The following TSPEAR variants were observed in gnomAD, a reference collection of about 807,000 sequenced individuals.
TSPEAR encodes thrombospondin type laminin G domain and EAR repeats.
TSPEAR carries 69 observed loss-of-function variants against 71.6 expected under a neutral mutation model. That is an observed-to-expected ratio of 0.96 (90% CI 0.79 to 1.18). TSPEAR has a LOEUF of 1.18. Among genes scored for constraint, TSPEAR ranks in the 50% most tolerant of loss-of-function variants. The probability of loss-of-function intolerance (pLI) is 0.00; values close to 1 mark genes in which losing one functional copy is unlikely to be tolerated. For synonymous variants in TSPEAR, 402 were observed against 387.2 expected (o/e 1.04, Z -0.45); for missense variants, 971 against 894.9 (o/e 1.09, Z -1.09).
rs1396440624 is a variant in TSPEAR at position 44,711,346 on chromosome 21, G to A, written c.82+87C>T. On this transcript the variant is annotated intron_variant, in intron 1 of 11. Coordinates refer to ENST00000323084, the MANE Select transcript of TSPEAR (RefSeq NM_144991.3). The surrounding 1 kb of genome is among the most constrained non-coding windows in gnomAD (Gnocchi z 4.5). ...TCCTCGGGCACCGCGGCTTGAATCA[G>A]TGTTAGAAAGTGGCATTTGTGACTC... 4 of 1,263,918 alleles carry A rather than the reference G, an allele frequency of 3.2e-6. No individual in the cohort carries two copies. Among genetic ancestry groups the A allele is most frequent in the Non-Finnish European group, 4.5e-6 (4 of 898,570 alleles). 78.3% of individuals were successfully genotyped at this position (1,263,918 alleles called of 1,614,324 possible).
chr21:44,676,194 A>G, intron 1 of TSPEAR: 1 of 1,279,530 alleles, frequency 7.8e-7, no homozygotes, highest in South Asian at 1.2e-5. Flanking sequence ...TTCTGGTTTA[A>G]TCAATCATTG....
intron 9 of TSPEAR, among the ~76,000 whole-genome samples, chr21:44,512,371 G>A (rs985918829): frequency 1.3e-5 from 2 of 151,408 alleles, no homozygotes; most frequent in African/African-American, 4.9e-5. Flanking sequence ...CTCCTAAGAT[G>A]GGAAAGAAGG....
At chr21:44,685,950 T>G (rs1986836879) in intron 1 of TSPEAR, among the ~76,000 whole-genome samples, 1 of 152,234 alleles carries the variant, frequency 6.6e-6, no homozygotes, top group African/African-American at 2.4e-5. Flanking sequence ...TAGACCTCTG[T>G]GCATTACTGT....
chr21:44,711,257 C>G lies in TSPEAR; in HGVS notation c.82+176G>C, dbSNP rs1320307638. 3.9e-5 allele frequency among the ~76,000 whole-genome samples: 6 copies of G among 152,094 alleles called. No individual in the cohort carries two copies. The highest frequency in any genetic ancestry group is 1.4e-4 in the African/African-American group (6 of 41,430). On this transcript the variant is annotated intron_variant, in intron 1 of 11. Transcript: ENST00000323084. This position sits in a 1 kb window ranked among gnomAD's most constrained non-coding sequence, Gnocchi z 4.5. ...GCCTGCCCTGCGCTTTCATCTTCCC[C>G]ACCTGTGCTCCTCCCGCCTCTGCCC...
chr21:44,660,501 G>A (rs1241889496), intron 1 of TSPEAR, among the ~76,000 whole-genome samples: 6 of 152,124 alleles, frequency 3.9e-5, no homozygotes, highest in African/African-American at 9.7e-5. Flanking sequence ...AAAATCCGTC[G>A]ACCCTATGAC....
At position 44,499,637 on chromosome 21, in the gene TSPEAR, C is replaced by T. The variant is rs1005511291; in HGVS notation, c.*146G>A. The T allele has an allele frequency of 9.3e-5, 73 of 781,654 alleles. No individual in the cohort carries two copies. The highest frequency in any genetic ancestry group is 5.5e-5 in the African/African-American group (3 of 54,180). 48.4% of individuals were successfully genotyped at this position (781,654 alleles called of 1,614,324 possible). A position where few individuals can be genotyped will look rare whatever the true frequency, so the allele number is the denominator to read the frequency against. On this transcript the variant is annotated 3_prime_UTR_variant, in exon 12 of 12. Coordinates refer to ENST00000323084, the MANE Select transcript of TSPEAR (RefSeq NM_144991.3). ...TGGATGTCCCTGCCCGAACCAGGGCCGCAGATGGCCCCACCTGCACCCTGC... is the reference window on the plus strand; with the variant it reads ...TGGATGTCCCTGCCCGAACCAGGGCTGCAGATGGCCCCACCTGCACCCTGC...
At chr21:44,615,251 G>A (rs1387568448) in intron 1 of TSPEAR, among the ~76,000 whole-genome samples, 1 of 152,244 alleles carries the variant, frequency 6.6e-6, no homozygotes, top group Non-Finnish European at 1.5e-5. Flanking sequence ...AGCCAGCGCC[G>A]CACCACGGGG....
chr21:44,515,327 C>T (rs1407661348), intron 9 of TSPEAR, among the ~76,000 whole-genome samples: 6 of 152,336 alleles, frequency 3.9e-5, no homozygotes, highest in Non-Finnish European at 8.8e-5. Flanking sequence ...GTCCCAGCGC[C>T]TTCCCAGGGC....
intron 1 of TSPEAR, among the ~76,000 whole-genome samples, chr21:44,648,513 T>C (rs1312536468): frequency 6.6e-6 from 1 of 152,076 alleles, no homozygotes; most frequent in Admixed American, 6.5e-5. Context: ...TCCCCATAAA[T>C]AAGTGGACAA....
At chr21:44,591,433 C>T (rs371882347) in intron 1 of TSPEAR, 64 of 1,613,290 alleles carry the variant, frequency 4.0e-5, no homozygotes, top group African/African-American at 2.3e-4. Flanking sequence ...GCAGGCAGGG[C>T]GGGAGCACAT....
intron 9 of TSPEAR, 60 bp downstream of exon 9, chr21:44,521,823 T>G: frequency 6.8e-7 from 1 of 1,468,088 alleles, no homozygotes; most frequent in East Asian, 2.3e-5. Context: ...GTCCAGCAGG[T>G]GCAGGTGACA....
chr21:44,698,371 C>T (rs1288106693), intron 1 of TSPEAR, among the ~76,000 whole-genome samples: 16 of 152,200 alleles, frequency 1.1e-4, no homozygotes, highest in African/African-American at 3.1e-4. Context: ...GGGGCCCTCG[C>T]GCCCAGTCTC....
intron 1 of TSPEAR, among the ~76,000 whole-genome samples, chr21:44,679,197 G>T (rs1239579115): frequency 6.6e-6 from 1 of 152,150 alleles, no homozygotes; most frequent in Non-Finnish European, 1.5e-5. Context: ...TTCTTTCTGA[G>T]AAACTGGATT....
chr21:44,598,194 C>T (rs409893), intron 1 of TSPEAR, among the ~76,000 whole-genome samples: 20,125 of 152,182 alleles, frequency 0.13, 2,180 homozygotes, highest in African/African-American at 0.29. Context: ...GACTGGCTCT[C>T]TAGTTTCCCG....
chr21:44,600,995 G>C (rs1555928524), intron 1 of TSPEAR: 3 of 1,610,052 alleles, frequency 1.9e-6, no homozygotes, highest in Non-Finnish European at 2.5e-6. Context: ...CCTGTGTACT[G>C]TGTGCCTGTC....
chr21:44,526,813 A>G (rs1480598320), intron 7 of TSPEAR, among the ~76,000 whole-genome samples: 2 of 152,230 alleles, frequency 1.3e-5, no homozygotes, highest in African/African-American at 4.8e-5. Context: ...CCCTCTGCCC[A>G]GAGCAGCCCT....
chr21:44,646,347 G>A (rs1286579695), intron 1 of TSPEAR: 1 of 1,450,982 alleles, frequency 6.9e-7, no homozygotes, highest in Non-Finnish European at 9.3e-7. Flanking sequence ...GACAACACAT[G>A]CCAGGGAGGG....
chr21:44,634,354 C>A (rs1443338554), intron 1 of TSPEAR, among the ~76,000 whole-genome samples: 1 of 152,100 alleles, frequency 6.6e-6, no homozygotes, highest in Non-Finnish European at 1.5e-5. Context: ...CAAAGCCCTA[C>A]ATATATGAGA....
Position 44,499,876 on chromosome 21 carries a change from G to C in TSPEAR, c.1917C>G (p.Asp639Glu). ...CAGCCGTGGTGCTGAAGGCCTCCCA[G>C]TCCCTGCAGCCGACGGTGGGGAGGC... ...VHSLPTVGCR[D>E]WEAFSTTAGA... The change falls in exon 12 of 12, where the codon GAC (aspartate) becomes GAG (glutamate). Residue 639 changes from aspartate (D) to glutamate (E), a missense_variant. Asp to Glu is a conservative substitution (Grantham distance 45). Coordinates refer to ENST00000323084, the MANE Select transcript of TSPEAR (RefSeq NM_144991.3). 2 of 1,606,660 alleles carry C rather than the reference G, an allele frequency of 1.2e-6. No homozygotes were observed. The highest frequency in any genetic ancestry group is 1.7e-6 in the Non-Finnish European group (2 of 1,177,522).
Sources: allele counts gnomAD v4.1 joint callset (sites outside exome capture counted in the v4.1 genomes callset), GRCh38; gene constraint gnomAD v4.1.1; non-coding constraint Gnocchi (gnomAD v3.1); transcripts MANE v1.5; gene names NCBI Gene and HGNC (gene_info 2026-07-23, HGNC 2026-07-21).